The following SLC19A1 variants were observed in gnomAD, a reference collection of about 807,000 sequenced individuals.
SLC19A1 encodes solute carrier family 19 member 1.
Under a neutral mutation model 35.3 loss-of-function variants are expected in SLC19A1, and 37 were observed. That is an observed-to-expected ratio of 1.05 (90% CI 0.81 to 1.38). SLC19A1 has a LOEUF of 1.38. SLC19A1 is among the 40% of genes most tolerant of loss of function. The probability of loss-of-function intolerance (pLI) is 0.00; values close to 1 mark genes in which losing one functional copy is unlikely to be tolerated. For missense variants in SLC19A1, 831 were observed against 826.9 expected (o/e 1.00, Z -0.06); for synonymous variants, 460 against 398.5 (o/e 1.15, Z -1.84).
At chr21:45,535,884 A>G (rs1333409199) in intron 2 of SLC19A1, 1 of 155,710 alleles carries the variant, frequency 6.4e-6, no homozygotes, top group African/African-American at 2.4e-5. Context: ...GGGTCACAAG[A>G]CACCACTTAC....
Position 45,531,588 on chromosome 21 carries a change from C to T in SLC19A1, c.750G>A (p.Val250=), listed in dbSNP as rs1400050132. Residue 250 remains valine (V), a synonymous_variant, in exon 3 of 6, where the codon GTG becomes GTA. Coordinates refer to ENST00000311124, the MANE Select transcript of SLC19A1 (RefSeq NM_194255.4). ...CCAGCTCCCGCAGCATCCGCGCCAGCACTGAGTCCCCACAGGCCACCCGCA... is the reference window on the plus strand; with the variant it reads ...CCAGCTCCCGCAGCATCCGCGCCAGTACTGAGTCCCCACAGGCCACCCGCA... The part of the protein sequence containing the change: ...HALRVACGDS[V]LARMLRELGD... The T allele has an allele frequency of 6.2e-7, 1 of 1,612,398 alleles. No homozygotes were observed. Among genetic ancestry groups the T allele is most frequent in the South Asian group, 1.1e-5 (1 of 91,040 alleles).
chr21:45,505,043 G>A, intron 3 of SLC19A1: 1 of 1,523,084 alleles, frequency 6.6e-7, no homozygotes, highest in Non-Finnish European at 8.9e-7. Flanking sequence ...CGCTCGCCAA[G>A]GGGGTCTTGG....
chr21:45,549,953 C>T (rs2078449738), intron 1 of SLC19A1, among the ~76,000 whole-genome samples: 1 of 152,024 alleles, frequency 6.6e-6, no homozygotes, highest in Non-Finnish European at 1.5e-5. Context: ...CTCATCTCTG[C>T]CCCTTCTTAG....
intron 3 of SLC19A1, chr21:45,506,316 C>T: frequency 2.7e-6 from 1 of 367,956 alleles, no homozygotes; most frequent in Non-Finnish European, 5.3e-6. Flanking sequence ...CTCAGGCCCT[C>T]CAGGGCCACG....
rs2078029072 is a variant in SLC19A1 at position 45,534,153 on chromosome 21, A to AG, written c.190-2006_190-2005insC. On this transcript the variant is annotated intron_variant, in intron 2 of 5. Transcript: ENST00000311124. This position sits in a 1 kb window ranked among gnomAD's most constrained non-coding sequence, Gnocchi z 4.2. ...GGAGGCTGAGTGAGCCCGCCGGGTCACAGAGAGCCTCAGGGCCAGCCATCG... is the reference window on the plus strand; with the variant it reads ...GGAGGCTGAGTGAGCCCGCCGGGTCAGCAGAGAGCCTCAGGGCCAGCCATCG... 6.6e-6 allele frequency among the ~76,000 whole-genome samples: 1 copy of AG among 152,218 alleles called. No homozygotes were observed. The highest frequency in any genetic ancestry group is 6.5e-5 in the Admixed American group (1 of 15,288).
intron 3 of SLC19A1, chr21:45,504,514 CCCCCCAGGCCCCCCA>C (rs764767690): frequency 2.8e-4 from 5 of 18,134 alleles, no homozygotes; most frequent in Non-Finnish European, 1.2e-4. Context: ...GCCCCCCCGG[CCCCCCAGGCCCCCCA>C]GGCCCACGTG....
At chr21:45,509,429 A>AC, downstream of SLC19A1, 2 of 1,533,376 alleles carry the variant, frequency 1.3e-6, no homozygotes, top group Non-Finnish European at 1.8e-6. Context: ...CGGCGGGAGC[A>AC]CCCCCACCCC....
chr21:45,518,326 T>C (rs2038069002), intron 5 of SLC19A1, among the ~76,000 whole-genome samples: 1 of 151,196 alleles, frequency 6.6e-6, no homozygotes, highest in African/African-American at 2.4e-5. Flanking sequence ...AAAGAAAAAA[T>C]GGACTGAAAA....
At chr21:45,509,349 C>T (rs2037435202), downstream of SLC19A1, 2 of 1,545,568 alleles carry the variant, frequency 1.3e-6, no homozygotes, top group Non-Finnish European at 1.7e-6. Context: ...ACGTCTCCCA[C>T]CTGCAGGACA....
chr21:45,545,040 T>A (rs757593585), upstream of SLC19A1, among the ~76,000 whole-genome samples: 2 of 152,228 alleles, frequency 1.3e-5, no homozygotes, highest in Non-Finnish European at 2.9e-5. Context: ...TTGTGGTGGC[T>A]GTGGCTCTGG....
chr21:45,510,563 A>G (rs550399755), downstream of SLC19A1, among the ~76,000 whole-genome samples: 2 of 152,170 alleles, frequency 1.3e-5, no homozygotes, highest in Admixed American at 6.5e-5. Flanking sequence ...TGCTGGACCA[A>G]GTGTCCACAC....
chr21:45,505,909 C>G (rs371774034), intron 3 of SLC19A1: 3 of 1,612,986 alleles, frequency 1.9e-6, no homozygotes, highest in Non-Finnish European at 2.5e-6. Context: ...GGCTCATCTT[C>G]GTGGCCGAGC....
In SLC19A1 at chr21:45,515,357, C is replaced by T; in HGVS notation, c.*301G>A. 10 of 1,438,716 alleles carry T rather than the reference C, an allele frequency of 7.0e-6. No homozygotes were observed. Among genetic ancestry groups the T allele is most frequent in the East Asian group, 2.5e-5 (1 of 39,652 alleles). 89.1% of individuals were successfully genotyped at this position (1,438,716 alleles called of 1,614,324 possible). The stretch of plus-strand genomic sequence containing the variant: ...CCTGGGGGGCAGAAAGGATTTGTCT[C>T]AAGCCCCCCAAGGGGCATGAGCCAG... On this transcript the variant is annotated 3_prime_UTR_variant, in exon 6 of 6. Transcript: ENST00000311124.
At chr21:45,549,811 G>A (rs1280574169) in intron 1 of SLC19A1, among the ~76,000 whole-genome samples, 1 of 135,870 alleles carries the variant, frequency 7.4e-6, no homozygotes, top group Admixed American at 7.6e-5. Flanking sequence ...CAGGTGGGGG[G>A]TGGTGGACGG....
chr21:45,518,052 C>T (rs2038055947), intron 5 of SLC19A1, among the ~76,000 whole-genome samples: 1 of 152,158 alleles, frequency 6.6e-6, no homozygotes, highest in Admixed American at 6.5e-5. Context: ...AACACTAAGA[C>T]AACACAGACA....
chr21:45,547,799 G>A (rs185030963), upstream of SLC19A1, among the ~76,000 whole-genome samples: 17 of 152,274 alleles, frequency 1.1e-4, no homozygotes, highest in Non-Finnish European at 1.8e-4. Context: ...TGAGGGCTGC[G>A]TCAAGGGTCA....
At chr21:45,519,594 A>AAAC (rs2077379290) in intron 5 of SLC19A1, among the ~76,000 whole-genome samples, 1 of 136,434 alleles carries the variant, frequency 7.3e-6, no homozygotes, top group South Asian at 2.3e-4. Context: ...AAAAAAAAAA[A>AAAC]GACCAGGGAC....
intron 1 of SLC19A1, among the ~76,000 whole-genome samples, chr21:45,541,105 C>T (rs959271919): frequency 1.3e-5 from 2 of 152,196 alleles, no homozygotes; most frequent in African/African-American, 4.8e-5. Flanking sequence ...CATAATTAGA[C>T]CCTCCGGCTA....
rs377566865 is a variant in SLC19A1, at chr21:45,515,625, C to T, written c.*33G>A. The T allele has an allele frequency of 3.7e-5, 59 of 1,611,636 alleles. No homozygotes were observed. The Admixed American group carries it at 7.0e-4, about 19-fold the overall frequency. Reference sequence around the variant, plus strand: ...GGGGTCGTGGGGATGCACTGAGGGCCGCCTGCAAAGTTACCACAGGGGCGC... The same window carrying T: ...GGGGTCGTGGGGATGCACTGAGGGCTGCCTGCAAAGTTACCACAGGGGCGC... On this transcript the variant is annotated 3_prime_UTR_variant, in exon 6 of 6. Transcript: ENST00000311124.
Sources: allele counts gnomAD v4.1 joint callset (sites outside exome capture counted in the v4.1 genomes callset), GRCh38; gene constraint gnomAD v4.1.1; non-coding constraint Gnocchi (gnomAD v3.1); transcripts MANE v1.5; gene names NCBI Gene and HGNC (gene_info 2026-07-23, HGNC 2026-07-21).